MTUS2: variants seen among roughly 807,000 people sequenced by gnomAD.
MTUS2 encodes microtubule-associated tumor suppressor candidate 2.
A neutral mutation model predicts 114.1 loss-of-function variants in MTUS2; 40 were observed. The observed-to-expected ratio is 0.35, with a 90% CI of 0.27 to 0.46. The LOEUF (loss-of-function observed/expected upper bound fraction) is 0.46, where lower values mean the gene tolerates loss of function less well. MTUS2 is among the 20% of genes least tolerant of loss of function. MTUS2 has a pLI of 1.00. For synonymous variants in MTUS2, 688 were observed against 672.0 expected (o/e 1.02, Z -0.37); for missense variants, 1,679 against 1,705.4 (o/e 0.98, Z 0.27).
At chr13:29,011,003 T>C (rs1045384174) in intron 2 of MTUS2, among the ~76,000 whole-genome samples, 9 of 152,132 alleles carry the variant, frequency 5.9e-5, no homozygotes, top group African/African-American at 2.2e-4. Flanking sequence ...GCATCATTGC[T>C]CCCCTTCCCA....
chr13:29,036,895 A>T (rs995081680), intron 4 of MTUS2, among the ~76,000 whole-genome samples: 1 of 150,080 alleles, frequency 6.7e-6, no homozygotes, highest in African/African-American at 2.5e-5. Flanking sequence ...TTTTGGGCCT[A>T]TGTGTGTCTT....
At chr13:28,841,595 C>T (rs1290449812) in intron 2 of MTUS2, among the ~76,000 whole-genome samples, 1 of 151,898 alleles carries the variant, frequency 6.6e-6, no homozygotes, top group Non-Finnish European at 1.5e-5. Flanking sequence ...TTCTTGGGTG[C>T]TGGAGACAAA....
intron 9 of MTUS2, among the ~76,000 whole-genome samples, chr13:29,460,130 A>T (rs915101534): frequency 6.6e-6 from 1 of 152,250 alleles, no homozygotes; most frequent in African/African-American, 2.4e-5. Context: ...AGGTCATGTT[A>T]TCTCTGTTTT....
intron 4 of MTUS2, among the ~76,000 whole-genome samples, chr13:29,092,111 T>G (rs1013734231): frequency 5.3e-5 from 8 of 152,226 alleles, no homozygotes; most frequent in African/African-American, 1.7e-4. Flanking sequence ...CAGATAGGGT[T>G]GGGTTCCCAG....
intron 2 of MTUS2, among the ~76,000 whole-genome samples, chr13:29,021,331 C>T (rs1454438218): frequency 6.6e-6 from 1 of 152,214 alleles, no homozygotes; most frequent in African/African-American, 2.4e-5. Flanking sequence ...TTCCACCTTT[C>T]TTTCTGTCCC....
At chr13:29,374,386 CTAGATA>C (rs1484955805) in intron 8 of MTUS2, among the ~76,000 whole-genome samples, 2 of 152,252 alleles carry the variant, frequency 1.3e-5, no homozygotes, top group East Asian at 3.9e-4. Flanking sequence ...AAATTCATAT[CTAGATA>C]TATTCTAATT....
At position 29,505,574 on chromosome 13, in the gene MTUS2, A is replaced by AC. The variant is rs553485495; in HGVS notation, c.*2375dup. 68 of 219,940 alleles carry AC rather than the reference A, an allele frequency of 3.1e-4. No homozygotes were observed. The highest frequency in any genetic ancestry group is 1.6e-3 in the South Asian group (8 of 4,994). The allele number at this position is 219,940 out of a possible 1,614,324, so 13.6% of individuals were successfully genotyped here. On this transcript the variant is annotated 3_prime_UTR_variant, in exon 16 of 16. Transcript: ENST00000612955. The stretch of plus-strand genomic sequence containing the variant: ...GCTGTGCCTCCTTCTCAATTCTTCC[A>AC]CCCCCCCACACCATCAGAATTCGGA...
At chr13:29,263,601 G>A (rs1897556954) in intron 5 of MTUS2, among the ~76,000 whole-genome samples, 3 of 152,154 alleles carry the variant, frequency 2.0e-5, no homozygotes, top group Non-Finnish European at 4.4e-5. Context: ...GAGGCCTCAG[G>A]GAGTTTTTAC....
At chr13:29,343,559 A>G (rs1262810218) in intron 7 of MTUS2, among the ~76,000 whole-genome samples, 2 of 151,854 alleles carry the variant, frequency 1.3e-5, no homozygotes, top group African/African-American at 4.8e-5. Context: ...TTCTTGGTTC[A>G]TCTTGCTAAT....
chr13:29,448,479 A>G (rs1311595164), intron 9 of MTUS2, among the ~76,000 whole-genome samples: 1 of 152,150 alleles, frequency 6.6e-6, no homozygotes, highest in Non-Finnish European at 1.5e-5. Flanking sequence ...AAATGGGGAA[A>G]TGTCTTTTTT....
intron 9 of MTUS2, among the ~76,000 whole-genome samples, chr13:29,456,756 A>G (rs1879134552): frequency 6.6e-6 from 1 of 152,228 alleles, no homozygotes; most frequent in African/African-American, 2.4e-5. Flanking sequence ...AGAATTCTAT[A>G]TCTTGAGAAA....
chr13:29,287,786 A>G (rs551034490), intron 6 of MTUS2, among the ~76,000 whole-genome samples: 2 of 152,280 alleles, frequency 1.3e-5, no homozygotes, highest in Middle Eastern at 3.4e-3. Context: ...AGACTTACCA[A>G]TTCAGTGATG....
At chr13:29,464,512 T>C (rs1169013146) in intron 9 of MTUS2, among the ~76,000 whole-genome samples, 1 of 152,132 alleles carries the variant, frequency 6.6e-6, no homozygotes. Flanking sequence ...CTGGCACAAG[T>C]GATAAAGGCT....
chr13:28,934,774 C>T (rs562246804), intron 2 of MTUS2, among the ~76,000 whole-genome samples: 4 of 152,150 alleles, frequency 2.6e-5, no homozygotes, highest in African/African-American at 9.7e-5. Flanking sequence ...CTGGCCGCTT[C>T]GGCCTCTCAA....
chr13:29,146,012 C>G (rs547775237), intron 5 of MTUS2, among the ~76,000 whole-genome samples: 1 of 152,170 alleles, frequency 6.6e-6, no homozygotes, highest in South Asian at 2.1e-4. Context: ...TGTTATATGA[C>G]TTTTTGCTTC....
intron 5 of MTUS2, among the ~76,000 whole-genome samples, chr13:29,103,842 G>A (rs1890537757): frequency 6.6e-6 from 1 of 152,174 alleles, no homozygotes; most frequent in South Asian, 2.1e-4. Context: ...TTAGATGTTT[G>A]TGCATATTAA....
At chr13:29,198,755 TG>T (rs1346212455) in intron 5 of MTUS2, among the ~76,000 whole-genome samples, 1 of 152,232 alleles carries the variant, frequency 6.6e-6, no homozygotes, top group Non-Finnish European at 1.5e-5. Context: ...AGCAGTGGTT[TG>T]TAGTTCTCCT....
chr13:29,075,853 G>T (rs1486601430), intron 4 of MTUS2, among the ~76,000 whole-genome samples: 2 of 152,244 alleles, frequency 1.3e-5, no homozygotes, highest in East Asian at 3.9e-4. Flanking sequence ...CATCTGGAGA[G>T]GCTTGGACTT....
intron 8 of MTUS2, among the ~76,000 whole-genome samples, chr13:29,389,410 C>T (rs1191413473): frequency 2.6e-5 from 2 of 76,474 alleles, no homozygotes; most frequent in East Asian, 3.5e-4. Flanking sequence ...TATGTATACA[C>T]GTGTGTGTGT....
Sources: allele counts gnomAD v4.1 joint callset (sites outside exome capture counted in the v4.1 genomes callset), GRCh38; gene constraint gnomAD v4.1.1; transcripts MANE v1.5; gene names NCBI Gene and HGNC (gene_info 2026-07-23, HGNC 2026-07-21).